Variants in PER3 observed in about 807,000 individuals in gnomAD.
The protein encoded by PER3 is period circadian regulator 3.
PER3 carries 107 observed loss-of-function variants against 127.2 expected under a neutral mutation model. The observed-to-expected ratio is 0.84, with a 90% CI of 0.72 to 0.99. The LOEUF is 0.99. Ranked by LOEUF, PER3 falls within the 50% of genes least tolerant of loss-of-function variation. The pLI, the probability that PER3 is intolerant of heterozygous loss-of-function variation, is 0.00. For missense variants in PER3, 1,560 were observed against 1,525.8 expected, an observed-to-expected ratio of 1.02 and a Z score of -0.37; for synonymous variants, 618 against 585.8, an observed-to-expected ratio of 1.05 and a Z score of -0.79.
In PER3 at chr1:7,793,237, T is replaced by TA. The variant is rs1204970843; in HGVS notation, c.593-719dup. Among the ~76,000 whole-genome samples the TA allele has an allele frequency of 2.0e-5, 3 of 152,306 alleles. No homozygotes were observed. In the East Asian group the frequency reaches 5.8e-4, roughly 29 times the overall value. ...GGAAGCTCTAATCAGAGGAAATACATATAGTCAACAAACACTGGGCAGAAA... is the reference window on the plus strand; with the variant it reads ...GGAAGCTCTAATCAGAGGAAATACATAATAGTCAACAAACACTGGGCAGAAA... On this transcript the variant is annotated intron_variant, in intron 5 of 21. Transcript: ENST00000377532.
chr1:7,787,647 T>C (rs1006624304), intron 4 of PER3: 4 of 311,016 alleles, frequency 1.3e-5, no homozygotes, highest in African/African-American at 8.8e-5. Context: ...GTGATGCTTA[T>C]GTAATGAGGT....
intron 16 of PER3, among the ~76,000 whole-genome samples, chr1:7,824,967 C>T (rs555104366): frequency 6.6e-6 from 1 of 152,296 alleles, no homozygotes; most frequent in South Asian, 2.1e-4. Flanking sequence ...AGTCCTCGGG[C>T]TCACCTCCCT....
Position 7,826,401 on chromosome 1 carries a change from T to C in PER3, c.1958-79T>C. ...TTATAATAATGTTTGTAAAAATGTA[T>C]CAAAAGGCAGTTAACAAAGTAAAAT... On this transcript the variant is annotated intron_variant, in intron 16 of 21. Transcript: ENST00000377532. This position sits in a 1 kb window ranked among gnomAD's most constrained non-coding sequence, Gnocchi z 4.2. The C allele has an allele frequency of 1.3e-6, 1 of 783,630 alleles. No homozygotes were observed. The highest frequency in any genetic ancestry group is 2.2e-6 in the Non-Finnish European group (1 of 461,218). The allele number at this position is 783,630 out of a possible 1,614,324, so 48.5% of individuals were successfully genotyped here. A position where few individuals can be genotyped will look rare whatever the true frequency, so the allele number is the denominator to read the frequency against.
chr1:7,843,831 T>A lies in PER3; in HGVS notation c.*1076T>A. ...TCACCGCTTTCTATGGCGTTTGTAG[T>A]TGTGTCTTTTAAGAAGTGAGTGTGA... On this transcript the variant is annotated 3_prime_UTR_variant, in exon 22 of 22. Coordinates refer to ENST00000377532, the MANE Select transcript of PER3 (RefSeq NM_001377275.1). 1.0e-6 allele frequency: 1 copy of A among 974,000 alleles called. No individual in the cohort carries two copies. The highest frequency in any genetic ancestry group is 1.3e-6 in the Non-Finnish European group (1 of 748,250). The allele number at this position is 974,000 out of a possible 1,614,324, so 60.3% of individuals were successfully genotyped here.
At chr1:7,795,735 T>C (rs1286570490) in intron 6 of PER3, among the ~76,000 whole-genome samples, 3 of 152,226 alleles carry the variant, frequency 2.0e-5, no homozygotes, top group Non-Finnish European at 4.4e-5. Context: ...TATTTCAGTT[T>C]ATCACTTGCT....
In PER3 at chr1:7,784,877, G is replaced by A. The variant is rs773997269; in HGVS notation, c.-1G>A. Reference sequence around the variant, plus strand: ...ACGTGGAGCCCCGCGGAGACCTCGAGATGCCCCGCGGGGAAGCTCCTGGCC... The same window carrying A: ...ACGTGGAGCCCCGCGGAGACCTCGAAATGCCCCGCGGGGAAGCTCCTGGCC... On this transcript the variant is annotated 5_prime_UTR_variant, in exon 2 of 22. Transcript: ENST00000377532. 2.7e-6 allele frequency: 4 copies of A among 1,501,508 alleles called. No individual in the cohort carries two copies. The highest frequency in any genetic ancestry group is 3.5e-6 in the Non-Finnish European group (4 of 1,136,916). 93.0% of individuals were successfully genotyped at this position (1,501,508 alleles called of 1,614,324 possible).
chr1:7,813,123 G>C (rs977600054), intron 13 of PER3, among the ~76,000 whole-genome samples: 1 of 152,170 alleles, frequency 6.6e-6, no homozygotes, highest in Non-Finnish European at 1.5e-5. Flanking sequence ...GGAGGGCAAG[G>C]AATAACAGGG....
At chr1:7,800,216 A>C (rs1181710905) in intron 7 of PER3, among the ~76,000 whole-genome samples, 2 of 146,328 alleles carry the variant, frequency 1.4e-5, no homozygotes, top group Non-Finnish European at 3.0e-5. Flanking sequence ...CAATCACTTC[A>C]TTTTTTTTTT....
chr1:7,842,830 T>C lies in PER3; in HGVS notation c.*75T>C, dbSNP rs116100365. On this transcript the variant is annotated 3_prime_UTR_variant, in exon 22 of 22. Coordinates refer to ENST00000377532, the MANE Select transcript of PER3 (RefSeq NM_001377275.1). ...ACAGACCTTTTTAAGTCCTGGACTT[T>C]TAAATGACCATGAAGTTATCATTGA... The C allele has an allele frequency of 4.5e-5, 55 of 1,233,024 alleles. No homozygotes were observed. In the African/African-American group the frequency reaches 7.5e-4, roughly 17 times the overall value. The allele number at this position is 1,233,024 out of a possible 1,614,324, so 76.4% of individuals were successfully genotyped here.
At position 7,784,888 on chromosome 1, in the gene PER3, G is replaced by A. The variant is rs564179428; in HGVS notation, c.11G>A (p.Gly4Glu). 14 of 1,513,378 alleles carry A rather than the reference G, an allele frequency of 9.3e-6. No individual in the cohort carries two copies. The highest frequency in any genetic ancestry group is 1.2e-5 in the Non-Finnish European group (14 of 1,143,002). The allele number at this position is 1,513,378 out of a possible 1,614,324, so 93.7% of individuals were successfully genotyped here. A position where few individuals can be genotyped will look rare whatever the true frequency, so the allele number is the denominator to read the frequency against. The change falls in exon 2 of 22, where the codon GGG becomes GAG. Residue 4 changes from glycine (G) to glutamate (E), a missense_variant. Around this residue, in one of 3 missense-constraint regions of PER3, gnomAD observed 1,332 missense variants for 1,223.6 expected, o/e 1.09. Coordinates refer to ENST00000377532, the MANE Select transcript of PER3 (RefSeq NM_001377275.1). MPR[G>E]EAPGPGRRGA... Reference sequence around the variant, plus strand: ...CGCGGAGACCTCGAGATGCCCCGCGGGGAAGCTCCTGGCCCCGGGAGACGG... The same window carrying A: ...CGCGGAGACCTCGAGATGCCCCGCGAGGAAGCTCCTGGCCCCGGGAGACGG...
At chr1:7,806,406 G>A (rs544904416) in intron 10 of PER3, among the ~76,000 whole-genome samples, 3 of 152,242 alleles carry the variant, frequency 2.0e-5, no homozygotes, top group East Asian at 3.9e-4. Context: ...ACACAGCAAA[G>A]CAATAAATAC....
Position 7,827,149 on chromosome 1 carries a change from C to T in PER3, c.2220C>T (p.Ala740=), listed in dbSNP as rs1553319512. 3 of 1,606,012 alleles carry T rather than the reference C, an allele frequency of 1.9e-6. No homozygotes were observed. The highest frequency in any genetic ancestry group is 2.5e-6 in the Non-Finnish European group (3 of 1,176,626). The part of the protein sequence containing the change: ...GDSTSKQTRS[A]GCRKGKHKRK... ...CTACTTCCAAGCAGACGCGGTCGGCCGGCTGCAGGAAAGGGAAGCACAAGC... is the reference window on the plus strand; with the variant it reads ...CTACTTCCAAGCAGACGCGGTCGGCTGGCTGCAGGAAAGGGAAGCACAAGC... The change falls in exon 18 of 22, where the codon GCC becomes GCT. Residue 740 remains alanine (A), a synonymous_variant. Transcript: ENST00000377532.
Position 7,810,439 on chromosome 1 carries a change from T to C in PER3, c.1373T>C (p.Met458Thr). 6.3e-7 allele frequency: 1 copy of C among 1,590,078 alleles called. No homozygotes were observed. Among genetic ancestry groups the C allele is most frequent in the Non-Finnish European group, 8.6e-7 (1 of 1,168,942 alleles). The change falls in exon 13 of 22, where the codon ATG becomes ACG. Residue 458 changes from methionine to threonine, a missense_variant and splice_region_variant. Met to Thr is a moderately conservative substitution (Grantham distance 81). Transcript: ENST00000377532. ...HRVEETKAEQ[M>T]TLQQVYASVN... Reference sequence around the variant, plus strand: ...TATTTTATCATTCCTTTCCCTAAGATGACCTTGCAGCAGGTCTATGCCAGT... The same window carrying C: ...TATTTTATCATTCCTTTCCCTAAGACGACCTTGCAGCAGGTCTATGCCAGT...
intron 19 of PER3, among the ~76,000 whole-genome samples, chr1:7,831,327 C>T (rs1262383484): frequency 6.6e-6 from 1 of 152,166 alleles, no homozygotes; most frequent in Non-Finnish European, 1.5e-5. Flanking sequence ...TCTTGCTAAA[C>T]TCATTGATTA....
Position 7,837,008 on chromosome 1 carries a change from AGTT to A in PER3, c.3411_3413del (p.Val1138del), listed in dbSNP as rs763787083. Reference sequence around the variant, plus strand: ...GTTTGTTTGTTTTCAGGGTTAAAGAAGTTGTACTAAAAGAAGACCTGGAAAAGC... The same window carrying A: ...GTTTGTTTGTTTTCAGGGTTAAAGAAGTACTAAAAGAAGACCTGGAAAAGC... On this transcript the variant is annotated inframe_deletion, in exon 21 of 22. Coordinates refer to ENST00000377532, the MANE Select transcript of PER3 (RefSeq NM_001377275.1). 3 of 1,612,782 alleles carry A rather than the reference AGTT, an allele frequency of 1.9e-6. No individual in the cohort carries two copies. Among genetic ancestry groups the A allele is most frequent in the Non-Finnish European group, 2.5e-6 (3 of 1,179,426 alleles).
chr1:7,838,163 A>G (rs1013015911), intron 21 of PER3, among the ~76,000 whole-genome samples: 5 of 152,184 alleles, frequency 3.3e-5, no homozygotes, highest in Non-Finnish European at 5.9e-5. Flanking sequence ...ATGAAATCCT[A>G]CTACCCCCTC....
intron 6 of PER3, among the ~76,000 whole-genome samples, chr1:7,794,297 A>G (rs1260671419): frequency 6.6e-6 from 1 of 152,148 alleles, no homozygotes; most frequent in Middle Eastern, 3.2e-3. Context: ...GGTCGAGAAC[A>G]TCCTGGCCAA....
intron 13 of PER3, among the ~76,000 whole-genome samples, chr1:7,817,905 T>C (rs1218667432): frequency 6.6e-6 from 1 of 152,204 alleles, no homozygotes; most frequent in African/African-American, 2.4e-5. Context: ...ATAGTAACTT[T>C]ACACAGGACA....
chr1:7,818,112 T>C (rs1182296687), intron 13 of PER3, among the ~76,000 whole-genome samples: 4 of 152,196 alleles, frequency 2.6e-5, no homozygotes, highest in Non-Finnish European at 5.9e-5. Flanking sequence ...GTTCTGACCC[T>C]GAACGGAAAA....
Sources: allele counts gnomAD v4.1 joint callset (sites outside exome capture counted in the v4.1 genomes callset), GRCh38; gene constraint gnomAD v4.1.1; regional missense constraint gnomAD v4.1.1; non-coding constraint Gnocchi (gnomAD v3.1); transcripts MANE v1.5; gene names NCBI Gene and HGNC (gene_info 2026-07-23, HGNC 2026-07-21).